RSBN1L: variants seen among roughly 807,000 people sequenced by gnomAD.
RSBN1L encodes the protein round spermatid basic protein 1 like, also known as lysine-specific demethylase RSBN1L.
Under a neutral mutation model 67.7 loss-of-function variants are expected in RSBN1L, and 30 were observed. That is an observed-to-expected ratio of 0.44 (90% CI 0.33 to 0.60). The LOEUF is 0.60. RSBN1L is among the 20% of genes least tolerant of loss of function. RSBN1L has a pLI of 0.02. For synonymous variants in RSBN1L, 433 were observed against 387.0 expected (o/e 1.12, Z -1.39); for missense variants, 992 against 1,031.7 (o/e 0.96, Z 0.53).
chr7:77,728,288 A>T lies in RSBN1L; in HGVS notation c.587-8122A>T, dbSNP rs145610757. On this transcript the variant is annotated intron_variant, in intron 1 of 7. Transcript: ENST00000334955. ...CTGAATATGCCTTCCTGCATACTTG[A>T]TTGATAGTTTGGCAGATTATAAAAT... Among the ~76,000 whole-genome samples, 20 of 152,164 alleles carry T rather than the reference A, an allele frequency of 1.3e-4. No homozygotes were observed. In the East Asian group the frequency reaches 3.9e-3, roughly 29 times the overall value.
intron 1 of RSBN1L, among the ~76,000 whole-genome samples, chr7:77,728,473 T>C (rs1288743729): frequency 1.3e-5 from 2 of 152,192 alleles, no homozygotes; most frequent in African/African-American, 4.8e-5. Context: ...TTTTAGTACA[T>C]TTTAAAAAGT....
intron 6 of RSBN1L, among the ~76,000 whole-genome samples, chr7:77,777,624 T>C (rs978072265): frequency 6.6e-6 from 1 of 152,092 alleles, no homozygotes; most frequent in Non-Finnish European, 1.5e-5. Context: ...ATATAATGTA[T>C]TACATGATTC....
intron 1 of RSBN1L, among the ~76,000 whole-genome samples, chr7:77,727,482 GAATTGT>G (rs1449610400): frequency 6.6e-6 from 1 of 152,064 alleles, no homozygotes; most frequent in African/African-American, 2.4e-5. Context: ...GTTTAGATAA[GAATTGT>G]CACTTTTATT....
chr7:77,705,509 G>GATTT (rs1562792996), intron 1 of RSBN1L, among the ~76,000 whole-genome samples: 7 of 82,708 alleles, frequency 8.5e-5, no homozygotes, highest in African/African-American at 3.1e-4. Flanking sequence ...CCATTGTAAT[G>GATTT]GTTTTTTTTT....
At chr7:77,709,435 A>G (rs1176918648) in intron 1 of RSBN1L, among the ~76,000 whole-genome samples, 5 of 151,814 alleles carry the variant, frequency 3.3e-5, no homozygotes, top group Non-Finnish European at 7.4e-5. Context: ...AATTACAGGC[A>G]CCCACCACTA....
chr7:77,702,016 T>C (rs1217987066), intron 1 of RSBN1L, among the ~76,000 whole-genome samples: 1 of 151,892 alleles, frequency 6.6e-6, no homozygotes, highest in East Asian at 1.9e-4. Context: ...TCGCCCAGGC[T>C]GGAGTGCAAT....
At position 77,749,535 on chromosome 7, in the gene RSBN1L, A is replaced by G. The variant is rs1280638706; in HGVS notation, c.815A>G (p.Tyr272Cys). 8.1e-6 allele frequency: 13 copies of G among 1,612,044 alleles called. No individual in the cohort carries two copies. In the East Asian group the frequency reaches 8.9e-5, roughly 11 times the overall value. The change falls in exon 3 of 8, where the codon TAT (tyrosine) becomes TGT (cysteine). Residue 272 changes from tyrosine (Y) to cysteine (C), a missense_variant. Tyr to Cys is a radical substitution (Grantham distance 194, BLOSUM62 -2). This residue lies in a region of RSBN1L where 575 missense variants were observed against 483.2 expected (regional missense o/e 1.19). Transcript: ENST00000334955. ...GAAAAACGGAAGCGTCCGAAAATGT[A>G]TAGCAAATCTATTCAGACCATCTGC... Reference protein sequence around the residue: ...ENEKRKRPKMYSKSIQTICSG... With the variant: ...ENEKRKRPKMCSKSIQTICSG...
At position 77,782,090 on chromosome 7, in the gene RSBN1L, T is replaced by C. The variant is rs1023981293; in HGVS notation, c.*2922T>C. ...AATAATGCTTACGTTCCTTGTCTTA[T>C]GGGTTATAATTTTCACATCCTCTTC... On this transcript the variant is annotated 3_prime_UTR_variant, in exon 8 of 8. Transcript: ENST00000334955. The C allele has an allele frequency of 6.6e-5, 10 of 152,130 alleles. No homozygotes were observed. Among genetic ancestry groups the C allele is most frequent in the African/African-American group, 2.4e-4 (10 of 41,432 alleles). 9.4% of individuals were successfully genotyped at this position (152,130 alleles called of 1,614,324 possible). A position where few individuals can be genotyped will look rare whatever the true frequency, so the allele number is the denominator to read the frequency against.
At chr7:77,757,754 A>C (rs1221841049) in intron 3 of RSBN1L, among the ~76,000 whole-genome samples, 1 of 152,182 alleles carries the variant, frequency 6.6e-6, no homozygotes, top group Non-Finnish European at 1.5e-5. Context: ...GTTGATGGCC[A>C]CATTTTTCTC....
At chr7:77,771,463 T>C (rs1791848823) in intron 5 of RSBN1L, among the ~76,000 whole-genome samples, 1 of 152,054 alleles carries the variant, frequency 6.6e-6, no homozygotes, top group South Asian at 2.1e-4. Context: ...TACAGGTTAA[T>C]TTGTAAGTTA....
intron 3 of RSBN1L, among the ~76,000 whole-genome samples, chr7:77,760,032 T>G (rs1237628701): frequency 6.6e-6 from 1 of 152,158 alleles, no homozygotes; most frequent in Admixed American, 6.5e-5. Flanking sequence ...AAATTACTTG[T>G]TATTACTATA....
intron 1 of RSBN1L, 55 bp downstream of exon 1, chr7:77,697,110 C>G (rs1048218580): frequency 7.6e-7 from 1 of 1,314,578 alleles, no homozygotes; most frequent in Non-Finnish European, 9.6e-7. Flanking sequence ...CCGCCGCCCC[C>G]TGGCGCCCAC....
chr7:77,701,288 T>A (rs1456669906), intron 1 of RSBN1L, among the ~76,000 whole-genome samples: 3 of 152,180 alleles, frequency 2.0e-5, no homozygotes, highest in African/African-American at 7.2e-5. Flanking sequence ...GGGACTTTCC[T>A]TAGTTGACAT....
chr7:77,734,283 T>C (rs1562800325), intron 1 of RSBN1L, among the ~76,000 whole-genome samples: 1 of 152,184 alleles, frequency 6.6e-6, no homozygotes, highest in African/African-American at 2.4e-5. Context: ...ATTAATATTA[T>C]ACTTTAATAA....
intron 1 of RSBN1L, among the ~76,000 whole-genome samples, chr7:77,709,521 C>A (rs559063176): frequency 6.6e-6 from 1 of 152,112 alleles, no homozygotes; most frequent in Non-Finnish European, 1.5e-5. Flanking sequence ...AACTCCTGAC[C>A]TCAGGTGATC....
chr7:77,736,421 G>T lies in RSBN1L; in HGVS notation c.598G>T (p.Asp200Tyr). The change falls in exon 2 of 8, where the codon GAC becomes TAC. Residue 200 changes from aspartate (D) to tyrosine (Y), a missense_variant. Coordinates refer to ENST00000334955, the MANE Select transcript of RSBN1L (RefSeq NM_198467.3). ...VKPLPRDKIK[D>Y]KIKERDKEKE... ...GTTTTGTCTTCCAGATAAAATCAAAGACAAAATTAAAGAGAGAGACAAAGA... is the reference window on the plus strand; with the variant it reads ...GTTTTGTCTTCCAGATAAAATCAAATACAAAATTAAAGAGAGAGACAAAGA... The T allele has an allele frequency of 9.6e-7, 1 of 1,037,932 alleles. No individual in the cohort carries two copies. Among genetic ancestry groups the T allele is most frequent in the South Asian group, 2.0e-5 (1 of 50,926 alleles). 64.3% of individuals were successfully genotyped at this position (1,037,932 alleles called of 1,614,324 possible).
intron 1 of RSBN1L, among the ~76,000 whole-genome samples, chr7:77,735,950 A>G (rs1043765079): frequency 6.6e-6 from 1 of 152,006 alleles, no homozygotes; most frequent in African/African-American, 2.4e-5. Context: ...TAGTCATTTT[A>G]TATATTTTTT....
chr7:77,697,431 G>T (rs3750127), intron 1 of RSBN1L: 17,253 of 183,424 alleles, frequency 0.094, 1,164 homozygotes, highest in African/African-American at 0.19. Context: ...TTGATTGTTA[G>T]ACCACTTAGA....
At chr7:77,735,159 G>A (rs1562800553) in intron 1 of RSBN1L, among the ~76,000 whole-genome samples, 1 of 151,948 alleles carries the variant, frequency 6.6e-6, no homozygotes, top group African/African-American at 2.4e-5. Context: ...ATTAGCACAT[G>A]AATTTAATTT....
Sources: gnomAD v4.1 joint callset for allele counts (sites outside exome capture counted in the v4.1 genomes callset) on GRCh38, gnomAD v4.1.1 for gene constraint, gnomAD v4.1.1 regional missense constraint, MANE v1.5 for transcripts, NCBI Gene and HGNC (gene_info 2026-07-23, HGNC 2026-07-21) for gene names.